CWH43: variants seen among roughly 807,000 people sequenced by gnomAD.
The protein encoded by CWH43 is cell wall biogenesis 43 C-terminal homolog, also known as PGAP2-interacting protein.
In CWH43, 91 loss-of-function variants were observed where a neutral mutation model predicts 85.7. The ratio of observed to expected loss-of-function variants is 1.06; its 90% CI spans 0.90 to 1.26. CWH43 has a LOEUF of 1.26. Ranked by LOEUF, CWH43 falls within the 50% of genes most tolerant of loss-of-function variation. CWH43 has a pLI of 0.00. For synonymous variants in CWH43, 323 were observed against 293.6 expected, an observed-to-expected ratio of 1.10 and a Z score of -1.02; for missense variants, 869 against 839.2, an observed-to-expected ratio of 1.04 and a Z score of -0.44.
rs1782890312 is a variant in CWH43 at position 48,998,542 on chromosome 4, G to A, written c.796G>A (p.Val266Ile). Reference protein sequence around the residue: ...WFRGTGLIWWVTGTASAAGLL... With the variant: ...WFRGTGLIWWITGTASAAGLL... ...TCGTGGTACTGGTTTGATCTGGTGG[G>A]TTACAGGTATGTGGAATTTACCTGC... Residue 266 changes from valine (V) to isoleucine (I), a missense_variant, in exon 6 of 16, where the codon GTT becomes ATT. Val to Ile is a conservative substitution (Grantham distance 29). Transcript: ENST00000226432. 6.2e-7 allele frequency: 1 copy of A among 1,612,818 alleles called. No individual in the cohort carries two copies. The highest frequency in any genetic ancestry group is 8.5e-7 in the Non-Finnish European group (1 of 1,178,854).
intron 15 of CWH43, among the ~76,000 whole-genome samples, chr4:49,056,036 G>C (rs2109848071): frequency 6.8e-6 from 1 of 146,430 alleles, no homozygotes; most frequent in East Asian, 2.0e-4. Flanking sequence ...TCTAGCATTA[G>C]GTATATCTCC....
chr4:49,040,467 G>A (rs1378682071), intron 13 of CWH43, among the ~76,000 whole-genome samples: 1 of 152,112 alleles, frequency 6.6e-6, no homozygotes, highest in Non-Finnish European at 1.5e-5. Flanking sequence ...ATCTCATTGT[G>A]GTTTTGATTT....
intron 15 of CWH43, among the ~76,000 whole-genome samples, chr4:49,054,015 C>T (rs1038967225): frequency 2.6e-5 from 4 of 152,028 alleles, no homozygotes; most frequent in Admixed American, 6.6e-5. Flanking sequence ...CTTGTTAGTT[C>T]GATAGAATCC....
intron 5 of CWH43, among the ~76,000 whole-genome samples, chr4:48,995,818 G>T (rs1224066500): frequency 6.6e-6 from 1 of 152,062 alleles, no homozygotes; most frequent in Non-Finnish European, 1.5e-5. Context: ...CCTTAGTGGA[G>T]TCCTCACCAT....
At chr4:48,988,244 T>C (rs892828688) in intron 1 of CWH43, among the ~76,000 whole-genome samples, 4 of 152,224 alleles carry the variant, frequency 2.6e-5, no homozygotes, top group Admixed American at 1.3e-4. Flanking sequence ...ATTGCTTTTC[T>C]GTCCATCAGT....
At chr4:49,007,717 CAT>C (rs889989266) in intron 8 of CWH43, among the ~76,000 whole-genome samples, 2 of 151,246 alleles carry the variant, frequency 1.3e-5, no homozygotes, top group Non-Finnish European at 2.9e-5. Context: ...TGAGTGAGAA[CAT>C]GTGGTGTTTG....
chr4:48,998,384 G>A, intron 5 of CWH43, 76 bp from the exon 6 acceptor site: 2 of 1,122,542 alleles, frequency 1.8e-6, no homozygotes, highest in Non-Finnish European at 2.7e-6. Flanking sequence ...GAGGTGGGAG[G>A]TATATTTCTA....
In CWH43 at chr4:49,003,969, G is replaced by A. The variant is rs763800867; in HGVS notation, c.1037G>A (p.Arg346Lys). The change falls in exon 7 of 16, where the codon AGA (arginine) becomes AAA (lysine). Residue 346 changes from arginine to lysine, a missense_variant. By Grantham distance (26) the Arg-to-Lys change is conservative. This residue lies in a region of CWH43 where 577 missense variants were observed against 513.1 expected (regional missense o/e 1.12). Transcript: ENST00000226432. Reference sequence around the variant, plus strand: ...TTTGTCCCAGGAGGTGTCTACGCTAGAGAAAGATCAGATGTGCTTTTGGGT... The same window carrying A: ...TTTGTCCCAGGAGGTGTCTACGCTAAAGAAAGATCAGATGTGCTTTTGGGT... Reference protein sequence around the residue: ...FKFVPGGVYARERSDVLLGTM... With the variant: ...FKFVPGGVYAKERSDVLLGTM... 1.2e-6 allele frequency: 2 copies of A among 1,612,300 alleles called. No individual in the cohort carries two copies. Among genetic ancestry groups the A allele is most frequent in the South Asian group, 2.2e-5 (2 of 91,006 alleles).
chr4:48,997,857 A>T (rs1489011669), intron 5 of CWH43, among the ~76,000 whole-genome samples: 1 of 152,198 alleles, frequency 6.6e-6, no homozygotes, highest in Non-Finnish European at 1.5e-5. Context: ...TTTGAGCTTA[A>T]TTTATGTGAC....
At chr4:49,030,335 A>G (rs771451926) in intron 10 of CWH43, among the ~76,000 whole-genome samples, 1 of 152,164 alleles carries the variant, frequency 6.6e-6, no homozygotes, top group African/African-American at 2.4e-5. Flanking sequence ...GTCTATATGG[A>G]TGTAATACCA....
chr4:49,009,617 A>T (rs556602409), intron 8 of CWH43, among the ~76,000 whole-genome samples: 1 of 152,288 alleles, frequency 6.6e-6, no homozygotes, highest in East Asian at 1.9e-4. Context: ...TGGGTTTGTC[A>T]TAAAGGGCTC....
chr4:49,014,325 C>T (rs1348843468), intron 8 of CWH43, among the ~76,000 whole-genome samples: 1 of 151,832 alleles, frequency 6.6e-6, no homozygotes, highest in Non-Finnish European at 1.5e-5. Flanking sequence ...TGGTGGTGCA[C>T]CTGCAGTCCC....
chr4:49,027,975 T>A (rs1443665949), intron 9 of CWH43, among the ~76,000 whole-genome samples: 1 of 152,126 alleles, frequency 6.6e-6, no homozygotes, highest in African/African-American at 2.4e-5. Context: ...GCAAGGGTGT[T>A]ACATCATTCA....
chr4:49,047,841 A>G (rs2109835168), intron 14 of CWH43, among the ~76,000 whole-genome samples: 1 of 152,278 alleles, frequency 6.6e-6, no homozygotes, highest in East Asian at 1.9e-4. Flanking sequence ...CCATGGAGCC[A>G]TATGCTTACT....
chr4:49,013,580 T>A (rs1452741479), intron 8 of CWH43, among the ~76,000 whole-genome samples: 1 of 152,240 alleles, frequency 6.6e-6, no homozygotes, highest in East Asian at 1.9e-4. Flanking sequence ...GTGTCGATCA[T>A]GCTGGGAGCT....
chr4:49,054,044 A>C (rs546798461), intron 15 of CWH43, among the ~76,000 whole-genome samples: 87 of 152,198 alleles, frequency 5.7e-4, no homozygotes, highest in African/African-American at 2.0e-3. Context: ...TATTTTTGCT[A>C]TTGTTTCCTG....
At chr4:48,988,709 T>G in intron 2 of CWH43, 41 bp downstream of exon 2, 2 of 1,322,506 alleles carry the variant, frequency 1.5e-6, no homozygotes, top group Non-Finnish European at 2.1e-6. Context: ...TTTTTTTAAG[T>G]TAAAAATCAA....
At chr4:49,005,754 TGGCG>T (rs1213343387) in intron 7 of CWH43, among the ~76,000 whole-genome samples, 1 of 151,928 alleles carries the variant, frequency 6.6e-6, no homozygotes, top group Non-Finnish European at 1.5e-5. Context: ...TTGCCCAGGC[TGGCG>T]TCGAACTCCT....
At chr4:49,028,985 A>G (rs561483416) in intron 10 of CWH43, among the ~76,000 whole-genome samples, 2 of 152,274 alleles carry the variant, frequency 1.3e-5, no homozygotes, top group East Asian at 1.9e-4. Flanking sequence ...CATACTGAGT[A>G]TCTTTAGGGG....
Sources: gnomAD v4.1 joint callset for allele counts (sites outside exome capture counted in the v4.1 genomes callset) on GRCh38, gnomAD v4.1.1 for gene constraint, gnomAD v4.1.1 regional missense constraint, MANE v1.5 for transcripts, NCBI Gene and HGNC (gene_info 2026-07-23, HGNC 2026-07-21) for gene names.